The following LRRC37A2 variants were observed in gnomAD, a reference collection of about 807,000 sequenced individuals.
LRRC37A2 encodes leucine rich repeat containing 37 member A2.
A neutral mutation model predicts 68.8 loss-of-function variants in LRRC37A2; 9 were observed. That is an observed-to-expected ratio of 0.13 (90% confidence interval 0.08 to 0.23). The LOEUF (loss-of-function observed/expected upper bound fraction) is 0.23, where lower values mean the gene tolerates loss of function less well. Among genes scored for constraint, LRRC37A2 ranks in the 10% least tolerant of loss-of-function variants. The probability of loss-of-function intolerance (pLI) is 1.00; values close to 1 mark genes in which losing one functional copy is unlikely to be tolerated. For synonymous variants in LRRC37A2, 63 were observed against 367.6 expected (o/e 0.17, Z 9.48); for missense variants, 168 against 950.4 (o/e 0.18, Z 10.82).
chr17:46,694,555 GATGT>G, the LRRC37A2 span: 1 of 1,350,322 alleles, frequency 7.4e-7, no homozygotes, highest in Admixed American at 1.8e-5. Flanking sequence ...ACTCTCTGCT[GATGT>G]AGACATTAAA....
At chr17:46,991,292 C>A in the LRRC37A2 span, among the ~76,000 whole-genome samples, 3 of 151,998 alleles carry the variant, frequency 2.0e-5, no homozygotes, top group Admixed American at 6.6e-5. Context: ...CTTACATGAG[C>A]CTTATTAAGT....
chr17:46,703,680 C>CAAAAAAAAAAAAAAA, the LRRC37A2 span, among the ~76,000 whole-genome samples: 206 of 37,160 alleles, frequency 5.5e-3, 2 homozygotes, highest in Non-Finnish European at 6.6e-3. Flanking sequence ...GACTCCGTCT[C>CAAAAAAAAAAAAAAA]AAAAAAAAAA....
At chr17:46,967,466 A>G in the LRRC37A2 span, among the ~76,000 whole-genome samples, 1 of 152,214 alleles carries the variant, frequency 6.6e-6, no homozygotes, top group East Asian at 1.9e-4. Flanking sequence ...ATTCTGTTTC[A>G]TGGGTGAGGT....
the LRRC37A2 span, among the ~76,000 whole-genome samples, chr17:46,583,445 A>G: frequency 1.4e-5 from 1 of 71,942 alleles, no homozygotes; most frequent in African/African-American, 4.0e-5. Context: ...ACAGGCGCAC[A>G]CCACCATGCC....
the LRRC37A2 span, chr17:46,877,022 G>A: frequency 8.3e-7 from 1 of 1,201,184 alleles, no homozygotes; most frequent in African/African-American, 1.6e-5. Context: ...GAGCACAGCA[G>A]GACTGAAATT....
chr17:46,859,233 C>A, the LRRC37A2 span, among the ~76,000 whole-genome samples: 13 of 152,280 alleles, frequency 8.5e-5, no homozygotes, highest in African/African-American at 3.1e-4. Context: ...GCCTCGGCCT[C>A]CCAAAGTGCT....
At chr17:46,834,568 T>G in the LRRC37A2 span, among the ~76,000 whole-genome samples, 2 of 152,120 alleles carry the variant, frequency 1.3e-5, no homozygotes, top group Non-Finnish European at 2.9e-5. Context: ...AACGGTCAAC[T>G]CTAGCAAGCA....
the LRRC37A2 span, among the ~76,000 whole-genome samples, chr17:46,912,571 C>G: frequency 6.6e-6 from 1 of 152,192 alleles, no homozygotes. Context: ...TCCTTGGAGT[C>G]CCCTTCCCAC....
At chr17:47,018,706 C>G in the LRRC37A2 span, 1 of 1,520,366 alleles carries the variant, frequency 6.6e-7, no homozygotes, top group Non-Finnish European at 9.1e-7. Context: ...CATCCACAGA[C>G]CGCTGAGGAG....
chr17:46,891,391 A>T, the LRRC37A2 span, among the ~76,000 whole-genome samples: 1 of 152,098 alleles, frequency 6.6e-6, no homozygotes, highest in Non-Finnish European at 1.5e-5. Context: ...ATGGAAGATG[A>T]CCCAACCAGA....
the LRRC37A2 span, among the ~76,000 whole-genome samples, chr17:46,743,550 C>G: frequency 6.6e-6 from 1 of 152,206 alleles, no homozygotes; most frequent in Non-Finnish European, 1.5e-5. Flanking sequence ...GATGGGGCCT[C>G]TACTTCTGTT....
At chr17:46,400,812 G>GA in the LRRC37A2 span, among the ~76,000 whole-genome samples, 1 of 113,154 alleles carries the variant, frequency 8.8e-6, no homozygotes, top group African/African-American at 3.0e-5. Context: ...ATACTTCGTT[G>GA]AAAAAATGAG....
At chr17:46,877,161 G>A in the LRRC37A2 span, 56 of 902,130 alleles carry the variant, frequency 6.2e-5, no homozygotes, top group Non-Finnish European at 7.0e-5. Context: ...AAGTGAAGGC[G>A]GGAGCCTGGC....
At chr17:46,793,395 T>C in the LRRC37A2 span, among the ~76,000 whole-genome samples, 1 of 151,880 alleles carries the variant, frequency 6.6e-6, no homozygotes, top group Non-Finnish European at 1.5e-5. Context: ...CCTGCTCTGC[T>C]GCTCCGGCCG....
At chr17:46,939,172 C>A in the LRRC37A2 span, 19 of 1,092,216 alleles carry the variant, frequency 1.7e-5, no homozygotes, top group Admixed American at 7.8e-4. Flanking sequence ...TAGGGTGGAG[C>A]AAAAGTGGAA....
the LRRC37A2 span, among the ~76,000 whole-genome samples, chr17:46,960,803 A>G: frequency 3.3e-5 from 5 of 152,242 alleles, no homozygotes; most frequent in Non-Finnish European, 7.3e-5. Flanking sequence ...AGGAAAAGAA[A>G]AACCACAGGG....
At chr17:46,424,794 C>A in the LRRC37A2 span, among the ~76,000 whole-genome samples, 1 of 107,040 alleles carries the variant, frequency 9.3e-6, no homozygotes, top group East Asian at 2.3e-4. Context: ...TTTATAAAAA[C>A]CATATTATTA....
At chr17:46,633,161 T>TG in the LRRC37A2 span, among the ~76,000 whole-genome samples, 2 of 98,536 alleles carry the variant, frequency 2.0e-5, no homozygotes, top group African/African-American at 8.3e-5. Flanking sequence ...TTATTAGAGA[T>TG]GGGGTTTCAC....
the LRRC37A2 span, among the ~76,000 whole-genome samples, chr17:46,995,131 C>T: frequency 1.3e-5 from 2 of 152,096 alleles, no homozygotes; most frequent in Non-Finnish European, 2.9e-5. Context: ...CCCACTCCCC[C>T]AAACAATACC....
Sources: allele counts gnomAD v4.1 joint callset (sites outside exome capture counted in the v4.1 genomes callset), GRCh38; gene constraint gnomAD v4.1.1; transcripts MANE v1.5; gene names NCBI Gene and HGNC (gene_info 2026-07-23, HGNC 2026-07-21).